Variants in FLT3 observed in about 807,000 individuals in gnomAD.
FLT3 encodes fms related receptor tyrosine kinase 3.
A neutral mutation model predicts 126.6 loss-of-function variants in FLT3; 46 were observed. The ratio of observed to expected loss-of-function variants is 0.36; its 90% CI spans 0.29 to 0.46. FLT3 has a LOEUF of 0.46. Ranked by LOEUF, FLT3 falls within the 20% of genes least tolerant of loss-of-function variation. The pLI is 1.00. For synonymous variants in FLT3, 404 were observed against 434.4 expected, an observed-to-expected ratio of 0.93 and a Z score of 0.87; for missense variants, 1,069 against 1,190.3, an observed-to-expected ratio of 0.90 and a Z score of 1.50.
chr13:28,037,077 A>G (rs1028432159), intron 10 of FLT3, 108 bp downstream of exon 10: 1 of 659,448 alleles, frequency 1.5e-6, no homozygotes, highest in African/African-American at 1.9e-5. Flanking sequence ...GTACAAAAAC[A>G]GTTTTGTAGT....
intron 1 of FLT3, among the ~76,000 whole-genome samples, chr13:28,094,576 T>C (rs1255139017): frequency 6.6e-6 from 1 of 152,204 alleles, no homozygotes; most frequent in African/African-American, 2.4e-5. Context: ...CGTAGCTCAC[T>C]GCAGCCTCAA....
intron 18 of FLT3, among the ~76,000 whole-genome samples, chr13:28,024,360 T>C (rs1028227329): frequency 3.3e-5 from 5 of 152,110 alleles, no homozygotes; most frequent in African/African-American, 1.2e-4. Flanking sequence ...CTTGAACTCC[T>C]GACCTCAGGT....
intron 2 of FLT3, chr13:28,068,100 C>T (rs558799546): frequency 6.5e-6 from 1 of 154,770 alleles, no homozygotes; most frequent in African/African-American, 2.4e-5. Flanking sequence ...AAGATCTGTT[C>T]AGGAGGAATG....
intron 3 of FLT3, among the ~76,000 whole-genome samples, chr13:28,059,970 AAATAAATAAATAAAT>A (rs1876386642): frequency 1.3e-3 from 1 of 748 alleles, no homozygotes; most frequent in South Asian, 0.17. Context: ...ATAAATAAAT[AAATAAATAAATAAAT>A]AAATAAATAA....
chr13:28,023,091 G>A (rs954390008), intron 19 of FLT3, among the ~76,000 whole-genome samples: 7 of 152,146 alleles, frequency 4.6e-5, no homozygotes, highest in African/African-American at 1.2e-4. Context: ...TTCCTATCTC[G>A]ACCTTCAGCC....
chr13:28,096,307 C>T (rs1879444871), intron 1 of FLT3, among the ~76,000 whole-genome samples: 1 of 152,056 alleles, frequency 6.6e-6, no homozygotes, highest in Admixed American at 6.6e-5. Flanking sequence ...TGAGCCGAGA[C>T]TGTACCACTG....
At chr13:28,095,286 T>C (rs1879382083) in intron 1 of FLT3, among the ~76,000 whole-genome samples, 1 of 151,178 alleles carries the variant, frequency 6.6e-6, no homozygotes, top group Admixed American at 6.6e-5. Flanking sequence ...TCCCCTCTCT[T>C]TTTTTTTTGA....
intron 4 of FLT3, among the ~76,000 whole-genome samples, chr13:28,054,412 T>C (rs1261469992): frequency 2.2e-5 from 3 of 134,990 alleles, no homozygotes; most frequent in African/African-American, 2.8e-5. Context: ...ACAACACAAC[T>C]CAAAAAAAAA....
At chr13:28,091,264 C>T (rs1458301670) in intron 1 of FLT3, among the ~76,000 whole-genome samples, 3 of 128,894 alleles carry the variant, frequency 2.3e-5, no homozygotes, top group Non-Finnish European at 3.1e-5. Flanking sequence ...CTCTGTCGCC[C>T]AGGCTGGAGT....
chr13:28,048,277 G>C lies in FLT3; in HGVS notation c.1203C>G (p.Tyr401Ter). 1.2e-6 allele frequency: 2 copies of C among 1,612,710 alleles called. No individual in the cohort carries two copies. The highest frequency in any genetic ancestry group is 1.7e-6 in the Non-Finnish European group (2 of 1,179,148). Residue 401 changes from tyrosine to a stop codon, truncating the protein, a stop_gained and splice_region_variant, in exon 9 of 24, where the codon TAC (tyrosine) becomes TAG (stop). Coordinates refer to ENST00000241453, the MANE Select transcript of FLT3 (RefSeq NM_004119.3). LOFTEE classifies it high-confidence loss of function. The part of the protein sequence containing the change: ...PCEQKGLDNG[Y>*]SISKFCNHKH... The stretch of plus-strand genomic sequence containing the variant: ...CTTAGAGTCCTTTGTGGTCTCACCT[G>C]TATCCGTTATCAAGACCCTTTTGCT...
chr13:28,027,269 G>T, intron 16 of FLT3, 28 bp from the exon 17 acceptor site: 2 of 1,580,996 alleles, frequency 1.3e-6, no homozygotes, highest in Non-Finnish European at 1.7e-6. Context: ...TCAATTATAG[G>T]CATACACAAA....
intron 10 of FLT3, 152 bp downstream of exon 10, chr13:28,037,033 T>C (rs1047264570): frequency 1.7e-6 from 1 of 601,074 alleles, no homozygotes; most frequent in Non-Finnish European, 2.9e-6. Context: ...TCAATGCCAG[T>C]AGATATGAGA....
intron 9 of FLT3, among the ~76,000 whole-genome samples, chr13:28,038,674 C>T (rs1022422667): frequency 1.3e-5 from 2 of 151,972 alleles, no homozygotes; most frequent in African/African-American, 4.8e-5. Flanking sequence ...AGGATGGTCT[C>T]GATCTCCTGA....
intron 20 of FLT3, among the ~76,000 whole-genome samples, chr13:28,017,425 C>T (rs996705684): frequency 5.3e-5 from 8 of 152,036 alleles, no homozygotes; most frequent in South Asian, 2.1e-4. Context: ...GAGTGTCTCA[C>T]CATGTTCCAT....
chr13:28,036,152 G>T, intron 10 of FLT3, 109 bp from the exon 11 acceptor site: 1 of 832,706 alleles, frequency 1.2e-6, no homozygotes, highest in Non-Finnish European at 2.1e-6. Flanking sequence ...GGGCCAAGGA[G>T]TTCAAGACCA....
At chr13:28,015,067 A>G in intron 22 of FLT3, 90 bp downstream of exon 22, 1 of 753,568 alleles carries the variant, frequency 1.3e-6, no homozygotes. Context: ...CTTTGCACTA[A>G]GGAGTTTGAC....
Position 28,034,192 on chromosome 13 carries a change from A to G in FLT3, c.1727T>C (p.Leu576Pro), listed in dbSNP as rs2137675996. The G allele has an allele frequency of 6.2e-7, 1 of 1,614,104 alleles. No individual in the cohort carries two copies. Among genetic ancestry groups the G allele is most frequent in the Non-Finnish European group, 8.5e-7 (1 of 1,179,972 alleles). Residue 576 changes from leucine to proline, a missense_variant, in exon 14 of 24, where the codon CTA becomes CCA. Leu to Pro is a moderately conservative substitution (Grantham distance 98). Transcript: ENST00000241453. Reference protein sequence around the residue: ...YKKQFRYESQLQMVQVTGSSD... With the variant: ...YKKQFRYESQPQMVQVTGSSD... ...GGAGCCGGTCACCTGTACCATCTGT[A>G]GCTGGCTTTCATACCTAAATTGCTT...
rs576022519 is a variant in FLT3 at position 28,034,609 on chromosome 13, C to T, written c.1598-202G>A. On this transcript the variant is annotated intron_variant, in intron 12 of 23. Transcript: ENST00000241453. Reference sequence around the variant, plus strand: ...GATACATTTCCTCCCTAGAAAATTGCGGATTATTCTCAATCCATTCTTTAA... The same window carrying T: ...GATACATTTCCTCCCTAGAAAATTGTGGATTATTCTCAATCCATTCTTTAA... Among the ~76,000 whole-genome samples, 32 of 152,272 alleles carry T rather than the reference C, an allele frequency of 2.1e-4. No individual in the cohort carries two copies. In the South Asian group the frequency reaches 3.7e-3, roughly 18 times the overall value.
chr13:28,091,191 C>G (rs1189948772), intron 1 of FLT3, among the ~76,000 whole-genome samples: 11 of 90,710 alleles, frequency 1.2e-4, no homozygotes, highest in African/African-American at 3.8e-4. Context: ...CATTTATCCT[C>G]TTTGGGCCCC....
Sources: allele counts gnomAD v4.1 joint callset (sites outside exome capture counted in the v4.1 genomes callset), GRCh38; gene constraint gnomAD v4.1.1; transcripts MANE v1.5; gene names NCBI Gene and HGNC (gene_info 2026-07-23, HGNC 2026-07-21).